The following PPP1R9A variants were observed in gnomAD, a reference collection of about 807,000 sequenced individuals.
PPP1R9A encodes the protein neurabin-1.
In PPP1R9A, 59 loss-of-function variants were observed where a neutral mutation model predicts 141.9. The ratio of observed to expected loss-of-function variants is 0.42; its 90% CI spans 0.34 to 0.52. The LOEUF (loss-of-function observed/expected upper bound fraction) is 0.52. PPP1R9A is among the 20% of genes least tolerant of loss of function. PPP1R9A has a pLI of 0.10. For synonymous variants in PPP1R9A, 500 were observed against 569.7 expected, an observed-to-expected ratio of 0.88 and a Z score of 1.74; for missense variants, 1,444 against 1,611.9, an observed-to-expected ratio of 0.90 and a Z score of 1.78.
intron 2 of PPP1R9A, among the ~76,000 whole-genome samples, chr7:94,954,290 G>A (rs1796827367): frequency 6.6e-6 from 1 of 151,924 alleles, no homozygotes; most frequent in South Asian, 2.1e-4. Context: ...CTTTGGCCAT[G>A]AATTATTTGT....
chr7:95,041,856 C>A (rs945760779), intron 2 of PPP1R9A, among the ~76,000 whole-genome samples: 3 of 151,918 alleles, frequency 2.0e-5, no homozygotes, highest in Non-Finnish European at 2.9e-5. Flanking sequence ...GTGAGACTTC[C>A]AGAACCTGTG....
At chr7:94,984,448 A>T (rs925754487) in intron 2 of PPP1R9A, among the ~76,000 whole-genome samples, 2 of 152,000 alleles carry the variant, frequency 1.3e-5, no homozygotes, top group African/African-American at 4.8e-5. Context: ...TTGGCTGTGA[A>T]TCCATCTGGT....
At chr7:95,151,690 G>A (rs1828704467) in intron 4 of PPP1R9A, among the ~76,000 whole-genome samples, 1 of 150,728 alleles carries the variant, frequency 6.6e-6, no homozygotes, top group African/African-American at 2.4e-5. Flanking sequence ...CCACTATCAT[G>A]TAAGATGTTG....
At chr7:95,177,945 A>G (rs1201562647) in intron 5 of PPP1R9A, among the ~76,000 whole-genome samples, 2 of 152,172 alleles carry the variant, frequency 1.3e-5, no homozygotes, top group African/African-American at 4.8e-5. Context: ...GGGGGACTTC[A>G]GTACTCCACT....
chr7:95,287,000 C>T (rs1194977325), intron 18 of PPP1R9A: 27 of 1,204,438 alleles, frequency 2.2e-5, no homozygotes, highest in Non-Finnish European at 2.8e-5. Flanking sequence ...TGCCCGTATT[C>T]TTCAAGCTTG....
chr7:95,055,516 T>G (rs1411342450), intron 2 of PPP1R9A, among the ~76,000 whole-genome samples: 1 of 152,204 alleles, frequency 6.6e-6, no homozygotes, highest in East Asian at 1.9e-4. Flanking sequence ...ATGAAAACAT[T>G]TAACATGTTT....
chr7:95,000,505 T>C (rs987453016), intron 2 of PPP1R9A, among the ~76,000 whole-genome samples: 3 of 152,206 alleles, frequency 2.0e-5, no homozygotes, highest in Non-Finnish European at 2.9e-5. Flanking sequence ...TTTCATGTAC[T>C]CTTACTATAG....
At chr7:95,254,373 T>C (rs1799293352) in intron 12 of PPP1R9A, among the ~76,000 whole-genome samples, 1 of 152,208 alleles carries the variant, frequency 6.6e-6, no homozygotes, top group African/African-American at 2.4e-5. Flanking sequence ...AATTGATCCC[T>C]TGCTTCTGTT....
intron 3 of PPP1R9A, 110 bp from the exon 4 acceptor site, chr7:95,120,602 A>G (rs1468256097): frequency 8.1e-7 from 1 of 1,240,772 alleles, no homozygotes; most frequent in Non-Finnish European, 1.1e-6. Context: ...TTATTGTCCT[A>G]TCCATAAGGA....
rs185317434 is a variant in PPP1R9A at position 95,267,937 on chromosome 7, C to T, written c.2666-613C>T. Among the ~76,000 whole-genome samples the T allele has an allele frequency of 1.2e-3, 176 of 152,222 alleles. 1 individual carries two copies. The highest frequency in any genetic ancestry group is 9.9e-4 in the Non-Finnish European group (67 of 68,006). On this transcript the variant is annotated intron_variant, in intron 12 of 19. Coordinates refer to ENST00000433360, the MANE Select transcript of PPP1R9A (RefSeq NM_001166160.2). The stretch of plus-strand genomic sequence containing the variant: ...TGTGTAGCCAGACCTTGTTTCTTTT[C>T]CCCAGCTATCGTCAATTTGCTGATT...
chr7:95,027,784 T>TATAG (rs1377704443), intron 2 of PPP1R9A, among the ~76,000 whole-genome samples: 1 of 152,196 alleles, frequency 6.6e-6, no homozygotes, highest in Non-Finnish European at 1.5e-5. Flanking sequence ...ATGGTAAGTA[T>TATAG]TTGTATAGTT....
intron 2 of PPP1R9A, among the ~76,000 whole-genome samples, chr7:94,943,394 C>T (rs1362052892): frequency 1.3e-5 from 2 of 152,308 alleles, no homozygotes; most frequent in East Asian, 1.9e-4. Flanking sequence ...TATATTTTCA[C>T]ATGGAGATTT....
intron 2 of PPP1R9A, among the ~76,000 whole-genome samples, chr7:95,001,033 A>G (rs938495783): frequency 2.6e-5 from 4 of 152,184 alleles, no homozygotes; most frequent in Admixed American, 6.5e-5. Context: ...TTTGTTTGTC[A>G]TATAAGCAGA....
rs573333878 is a variant in PPP1R9A, at chr7:95,061,059, G to C, written c.1396-50200G>C. Among the ~76,000 whole-genome samples the C allele has an allele frequency of 2.6e-4, 39 of 152,282 alleles. No individual in the cohort carries two copies. In the South Asian group the frequency reaches 5.2e-3, roughly 20 times the overall value. On this transcript the variant is annotated intron_variant, in intron 2 of 19. Coordinates refer to ENST00000433360, the MANE Select transcript of PPP1R9A (RefSeq NM_001166160.2). Reference sequence around the variant, plus strand: ...AGTACATAAATAGAACATTACCTCTGACCCTGTATGTGCGTGTATAAATTG... The same window carrying C: ...AGTACATAAATAGAACATTACCTCTCACCCTGTATGTGCGTGTATAAATTG...
At chr7:95,002,450 T>G (rs1029504548) in intron 2 of PPP1R9A, among the ~76,000 whole-genome samples, 1 of 152,064 alleles carries the variant, frequency 6.6e-6, no homozygotes, top group African/African-American at 2.4e-5. Context: ...AAGATGGGAA[T>G]AAGTTCAGGG....
In PPP1R9A at chr7:95,250,079, C is replaced by T. The variant is rs1191679896; in HGVS notation, c.2220C>T (p.Leu740=). ...GGTGGGAACTAGAAAAAACCCAACT[C>T]CAACAAAACATAGAAGAGAATAAGG... ...KVRWELEKTQ[L]QQNIEENKER... The change falls in exon 10 of 20, where the codon CTC becomes CTT. Residue 740 remains leucine, a synonymous_variant. Transcript: ENST00000433360. 1 of 1,612,620 alleles carries T rather than the reference C, an allele frequency of 6.2e-7. No individual in the cohort carries two copies. The highest frequency in any genetic ancestry group is 8.5e-7 in the Non-Finnish European group (1 of 1,179,580).
chr7:95,116,357 T>G (rs539012154), intron 3 of PPP1R9A, among the ~76,000 whole-genome samples: 1 of 152,158 alleles, frequency 6.6e-6, no homozygotes, highest in Non-Finnish European at 1.5e-5. Flanking sequence ...ATTGATTCAA[T>G]ATTAGATTTG....
intron 2 of PPP1R9A, among the ~76,000 whole-genome samples, chr7:94,932,631 G>A (rs751641343): frequency 2.9e-4 from 44 of 152,118 alleles, no homozygotes; most frequent in Admixed American, 7.9e-4. Context: ...AAGGGGTGGT[G>A]GAACTCAACA....
In PPP1R9A at chr7:95,284,281, T is replaced by G. The variant is rs187784191; in HGVS notation, c.3560T>G (p.Phe1187Cys). 179 of 1,563,454 alleles carry G rather than the reference T, an allele frequency of 1.1e-4. No homozygotes were observed. The highest frequency in any genetic ancestry group is 1.5e-4 in the Non-Finnish European group (167 of 1,151,110). Residue 1187 changes from phenylalanine (F) to cysteine (C), a missense_variant, in exon 17 of 20, where the codon TTT becomes TGT. Transcript: ENST00000433360. ...CCAAATCCCTCCTCTTCTTCAATCT[T>G]TGGAAGGCATTCTCAACTTATGTCT... The part of the protein sequence containing the change: ...RNPNPSSSSI[F>C]GRHSQLMSVV...
Sources: gnomAD v4.1 joint callset for allele counts (sites outside exome capture counted in the v4.1 genomes callset) on GRCh38, gnomAD v4.1.1 for gene constraint, MANE v1.5 for transcripts, NCBI Gene and HGNC (gene_info 2026-07-23, HGNC 2026-07-21) for gene names.